COLGALT1: variants seen among roughly 807,000 people sequenced by gnomAD.
COLGALT1 encodes the protein collagen beta(1-O)galactosyltransferase 1, also known as procollagen galactosyltransferase 1.
Under a neutral mutation model 60.8 loss-of-function variants are expected in COLGALT1, and 43 were observed. The observed-to-expected ratio is 0.71, with a 90% CI of 0.55 to 0.91. COLGALT1 has a LOEUF of 0.91. COLGALT1 is among the 40% of genes least tolerant of loss of function. The pLI, the probability that COLGALT1 is intolerant of heterozygous loss-of-function variation, is 0.00. For synonymous variants in COLGALT1, 369 were observed against 374.2 expected (o/e 0.99, Z 0.16); for missense variants, 845 against 880.0 (o/e 0.96, Z 0.50).
At chr19:17,573,783 C>T (rs975703428) in intron 6 of COLGALT1, among the ~76,000 whole-genome samples, 1 of 151,666 alleles carries the variant, frequency 6.6e-6, no homozygotes, top group African/African-American at 2.4e-5. Context: ...TTGAGAATAT[C>T]GTGGGCAACA....
chr19:17,573,897 C>T (rs1021699345), intron 6 of COLGALT1, among the ~76,000 whole-genome samples: 6 of 151,900 alleles, frequency 3.9e-5, no homozygotes, highest in African/African-American at 1.5e-4. Context: ...CGAGAGGATC[C>T]CTTGAGCCCA....
At position 17,555,710 on chromosome 19, in the gene COLGALT1, C is replaced by G; in HGVS notation, c.-4C>G. 8.4e-7 allele frequency: 1 copy of G among 1,187,026 alleles called. No individual in the cohort carries two copies. Among genetic ancestry groups the G allele is most frequent in the Non-Finnish European group, 1.0e-6 (1 of 960,010 alleles). The allele number at this position is 1,187,026 out of a possible 1,614,324, so 73.5% of individuals were successfully genotyped here. A position where few individuals can be genotyped will look rare whatever the true frequency, so the allele number is the denominator to read the frequency against. On this transcript the variant is annotated 5_prime_UTR_variant, in exon 1 of 12. Transcript: ENST00000252599. ...AAAACGACTTAAAGGAGACGCGTGG[C>G]GCGATGGCGGCGGCCCCACGCGCGG...
chr19:17,577,904 A>G, intron 8 of COLGALT1, 53 bp from the exon 9 acceptor site: 1 of 1,565,010 alleles, frequency 6.4e-7, no homozygotes, highest in Non-Finnish European at 8.7e-7. Context: ...CGGGGATGGC[A>G]GAATGGCAGG....
rs753540302 is a variant in COLGALT1 at position 17,582,098 on chromosome 19, G to A, written c.*654G>A. 3.2e-4 allele frequency: 49 copies of A among 152,564 alleles called. No homozygotes were observed. Among genetic ancestry groups the A allele is most frequent in the Non-Finnish European group, 4.5e-4 (31 of 68,452 alleles). 9.5% of individuals were successfully genotyped at this position (152,564 alleles called of 1,614,324 possible). A position where few individuals can be genotyped will look rare whatever the true frequency, so the allele number is the denominator to read the frequency against. On this transcript the variant is annotated 3_prime_UTR_variant, in exon 12 of 12. Coordinates refer to ENST00000252599, the MANE Select transcript of COLGALT1 (RefSeq NM_024656.4). ...TAGTTTTTGTATTTTTAGTAGAGACGGGGTTTCACCATGTTGGCCAGGCTG... is the reference window on the plus strand; with the variant it reads ...TAGTTTTTGTATTTTTAGTAGAGACAGGGTTTCACCATGTTGGCCAGGCTG...
intron 4 of COLGALT1, 26 bp downstream of exon 4, chr19:17,567,566 G>T (rs758607368): frequency 3.7e-6 from 6 of 1,606,690 alleles, no homozygotes; most frequent in Non-Finnish European, 4.2e-6. Flanking sequence ...GGGGACTGTG[G>T]GGACTGGGCT....
chr19:17,561,919 G>A (rs948026101), intron 3 of COLGALT1, among the ~76,000 whole-genome samples: 3 of 152,070 alleles, frequency 2.0e-5, no homozygotes, highest in Non-Finnish European at 4.4e-5. Context: ...TGCCCAGGTT[G>A]GAGTGCAGTG....
At chr19:17,578,132 A>G in intron 9 of COLGALT1, 43 bp downstream of exon 9, 3 of 1,520,212 alleles carry the variant, frequency 2.0e-6, no homozygotes, top group South Asian at 2.5e-5. Flanking sequence ...ATGACTCTAG[A>G]TCTCATCGGA....
At chr19:17,570,535 C>T (rs1568477848) in intron 5 of COLGALT1, among the ~76,000 whole-genome samples, 1 of 152,056 alleles carries the variant, frequency 6.6e-6, no homozygotes, top group Non-Finnish European at 1.5e-5. Flanking sequence ...ACGTGAGCTA[C>T]GGTGCCTGGC....
At chr19:17,561,630 TCAAAAAAAA>T (rs1568473355) in intron 3 of COLGALT1, among the ~76,000 whole-genome samples, 1 of 43,020 alleles carries the variant, frequency 2.3e-5, no homozygotes, top group Admixed American at 3.9e-4. Context: ...AGACTCTGTC[TCAAAAAAAA>T]AAAAAAAAAA....
intron 5 of COLGALT1, among the ~76,000 whole-genome samples, chr19:17,569,144 G>A (rs939575424): frequency 6.6e-6 from 1 of 152,008 alleles, no homozygotes; most frequent in African/African-American, 2.4e-5. Flanking sequence ...TATGGGAGGC[G>A]GAAGTTGCAG....
chr19:17,564,060 A>ACCC (rs35461950), intron 3 of COLGALT1, among the ~76,000 whole-genome samples: 7 of 122,200 alleles, frequency 5.7e-5, no homozygotes, highest in Non-Finnish European at 7.5e-5. Flanking sequence ...ACATAGTGAG[A>ACCC]CCCCCCCCAT....
chr19:17,560,532 A>G, intron 3 of COLGALT1, 67 bp downstream of exon 3: 1 of 1,278,052 alleles, frequency 7.8e-7, no homozygotes, highest in Non-Finnish European at 1.1e-6. Context: ...AAGGCGGAGC[A>G]GCAGGATGCC....
chr19:17,563,742 C>T (rs549062655), intron 3 of COLGALT1, among the ~76,000 whole-genome samples: 126 of 152,174 alleles, frequency 8.3e-4, no homozygotes, highest in African/African-American at 2.4e-3. Flanking sequence ...CCACCCACCT[C>T]GTCCTCCCAA....
intron 3 of COLGALT1, among the ~76,000 whole-genome samples, chr19:17,560,893 C>T (rs886834158): frequency 4.6e-5 from 7 of 151,370 alleles, no homozygotes; most frequent in Non-Finnish European, 8.8e-5. Flanking sequence ...CCACCACGCC[C>T]GGCTAATTTT....
At chr19:17,567,301 C>T in intron 3 of COLGALT1, 105 bp from the exon 4 acceptor site, 1 of 1,484,334 alleles carries the variant, frequency 6.7e-7, no homozygotes, top group Admixed American at 1.8e-5. Context: ...GGGGTGCTTC[C>T]AGAGGTCTTT....
chr19:17,577,334 T>A, intron 7 of COLGALT1, 27 bp from the exon 8 acceptor site: 1 of 1,607,262 alleles, frequency 6.2e-7, no homozygotes, highest in Non-Finnish European at 8.5e-7. Context: ...CAGGGGCTGA[T>A]CTGGCTGGGG....
intron 6 of COLGALT1, 191 bp from the exon 7 acceptor site, chr19:17,577,004 T>TGGGGGCGCGGTGAAGC: frequency 3.3e-6 from 1 of 307,168 alleles, no homozygotes; most frequent in Non-Finnish European, 6.1e-6. Context: ...GGCCAGGGCT[T>TGGGGGCGCGGTGAAGC]TGGGCTGCTG....
chr19:17,579,248 G>A (rs928601148), intron 9 of COLGALT1, among the ~76,000 whole-genome samples: 2 of 152,188 alleles, frequency 1.3e-5, no homozygotes, highest in Non-Finnish European at 2.9e-5. Flanking sequence ...TGCAAGGCGG[G>A]AGGTGCATGA....
At chr19:17,570,590 G>A (rs992084640) in intron 5 of COLGALT1, among the ~76,000 whole-genome samples, 17 of 151,810 alleles carry the variant, frequency 1.1e-4, no homozygotes, top group African/African-American at 3.9e-4. Flanking sequence ...ATTTGACACA[G>A]GGTCTCCCTC....
Sources: gnomAD v4.1 joint callset for allele counts (sites outside exome capture counted in the v4.1 genomes callset) on GRCh38, gnomAD v4.1.1 for gene constraint, MANE v1.5 for transcripts, NCBI Gene and HGNC (gene_info 2026-07-23, HGNC 2026-07-21) for gene names.